Variants in NBAS observed in about 807,000 individuals in gnomAD.
NBAS encodes the protein NBAS subunit of NRZ tethering complex.
A neutral mutation model predicts 302.5 loss-of-function variants in NBAS; 219 were observed. The observed-to-expected ratio is 0.72, with a 90% CI of 0.65 to 0.81. The LOEUF (loss-of-function observed/expected upper bound fraction) is 0.81, where lower values mean the gene tolerates loss of function less well. NBAS is among the 30% of genes least tolerant of loss of function. The pLI is 0.00. For synonymous variants in NBAS, 1,118 were observed against 1,021.6 expected (o/e 1.09, Z -1.80); for missense variants, 2,932 against 2,841.6 (o/e 1.03, Z -0.72).
the NBAS span, among the ~76,000 whole-genome samples, chr2:15,028,871 T>C: frequency 6.6e-6 from 1 of 152,220 alleles, no homozygotes; most frequent in Non-Finnish European, 1.5e-5. Flanking sequence ...GTTTTCTTTT[T>C]TATATACTTC....
At chr2:15,533,954 T>C (rs1255363279) in intron 9 of NBAS, among the ~76,000 whole-genome samples, 1 of 152,162 alleles carries the variant, frequency 6.6e-6, no homozygotes, top group Non-Finnish European at 1.5e-5. Flanking sequence ...AAACCAAACA[T>C]TTAGCTTGGC....
intron 44 of NBAS, among the ~76,000 whole-genome samples, chr2:15,245,425 G>A (rs1259994591): frequency 6.6e-6 from 1 of 152,040 alleles, no homozygotes; most frequent in African/African-American, 2.4e-5. Flanking sequence ...CATCTTATCC[G>A]AGAGGCCTTC....
the NBAS span, among the ~76,000 whole-genome samples, chr2:14,995,971 CTCTG>C: frequency 6.6e-6 from 1 of 151,976 alleles, no homozygotes; most frequent in Non-Finnish European, 1.5e-5. Flanking sequence ...GTACACACAG[CTCTG>C]TCTTAGGTGC....
intron 44 of NBAS, among the ~76,000 whole-genome samples, chr2:15,263,751 C>G (rs921193243): frequency 6.6e-6 from 1 of 152,162 alleles, no homozygotes; most frequent in Non-Finnish European, 1.5e-5. Flanking sequence ...GGCTATATCT[C>G]CAGCTCCACT....
chr2:15,034,235 G>GAAAGAAAGAAATAAA, the NBAS span, among the ~76,000 whole-genome samples: 1 of 81,636 alleles, frequency 1.2e-5, no homozygotes, highest in African/African-American at 4.5e-5. Flanking sequence ...AAAGAAAGAA[G>GAAAGAAAGAAATAAA]GAAAGAAAGA....
At chr2:15,100,195 T>C in the NBAS span, among the ~76,000 whole-genome samples, 1 of 152,232 alleles carries the variant, frequency 6.6e-6, no homozygotes, top group African/African-American at 2.4e-5. Context: ...ATGATGATAC[T>C]TATAAAGAAC....
At chr2:15,155,964 G>C in the NBAS span, among the ~76,000 whole-genome samples, 1 of 152,136 alleles carries the variant, frequency 6.6e-6, no homozygotes, top group African/African-American at 2.4e-5. Flanking sequence ...TAAGTATTTC[G>C]AACAAGGAAG....
At chr2:14,896,312 T>C in the NBAS span, among the ~76,000 whole-genome samples, 1 of 152,192 alleles carries the variant, frequency 6.6e-6, no homozygotes, top group Non-Finnish European at 1.5e-5. Flanking sequence ...ATATCAATGT[T>C]CATTGTATTC....
chr2:15,139,338 T>C, the NBAS span, among the ~76,000 whole-genome samples: 19 of 152,348 alleles, frequency 1.2e-4, no homozygotes, highest in Admixed American at 1.2e-3. Flanking sequence ...ACCCCCCGAT[T>C]TCACAAATAG....
intron 12 of NBAS, among the ~76,000 whole-genome samples, chr2:15,478,869 C>T (rs1303674189): frequency 6.6e-6 from 1 of 152,184 alleles, no homozygotes; most frequent in Non-Finnish European, 1.5e-5. Flanking sequence ...ACATTGATAT[C>T]TCTCAAATAT....
the NBAS span, among the ~76,000 whole-genome samples, chr2:14,969,538 G>A: frequency 6.0e-5 from 9 of 150,816 alleles, no homozygotes; most frequent in East Asian, 1.4e-3. Flanking sequence ...CACCATACGC[G>A]GCTAATTTTT....
rs73915359 is a variant in NBAS, at chr2:15,529,935, G to A, written c.746+4608C>T. Among the ~76,000 whole-genome samples, 951 of 152,202 alleles carry A rather than the reference G, an allele frequency of 6.2e-3. 13 individuals carry two copies. Among genetic ancestry groups the A allele is most frequent in the African/African-American group, 0.022 (901 of 41,542 alleles). ...GTTAAAATAAATTGTGTAATTATTT[G>A]CAGCATATATGATTACATTCAATAT... is the stretch of plus-strand genomic sequence containing the variant. On this transcript the variant is annotated intron_variant, in intron 9 of 51. Transcript: ENST00000281513.
intron 21 of NBAS, among the ~76,000 whole-genome samples, chr2:15,428,145 G>C (rs570156703): frequency 6.6e-6 from 1 of 152,118 alleles, no homozygotes; most frequent in African/African-American, 2.4e-5. Flanking sequence ...TAAGCTGTTG[G>C]GGCAGAGTAG....
At chr2:15,162,518 T>C (rs1453138018), downstream of NBAS, among the ~76,000 whole-genome samples, 3 of 152,192 alleles carry the variant, frequency 2.0e-5, no homozygotes, top group South Asian at 6.2e-4. Context: ...TTATTTTTCA[T>C]TTTGCTAGCA....
intron 31 of NBAS, among the ~76,000 whole-genome samples, chr2:15,373,333 T>C (rs1674576724): frequency 6.6e-6 from 1 of 152,076 alleles, no homozygotes; most frequent in Admixed American, 6.6e-5. Flanking sequence ...CTCTTTTGAG[T>C]CTAATAAGTT....
the NBAS span, among the ~76,000 whole-genome samples, chr2:15,141,453 T>C: frequency 1.9e-4 from 29 of 152,354 alleles, 1 homozygote; most frequent in Middle Eastern, 3.4e-3. Flanking sequence ...CATCAGCGAA[T>C]GGCAGAGCTT....
chr2:15,247,168 C>G (rs909096811), intron 44 of NBAS, among the ~76,000 whole-genome samples: 1 of 152,126 alleles, frequency 6.6e-6, no homozygotes, highest in Non-Finnish European at 1.5e-5. Context: ...GGAAAGGTGT[C>G]CAGATCCAGA....
At chr2:15,189,241 T>A (rs1419706403) in intron 49 of NBAS, among the ~76,000 whole-genome samples, 1 of 152,222 alleles carries the variant, frequency 6.6e-6, no homozygotes, top group Non-Finnish European at 1.5e-5. Flanking sequence ...ACATTTCTTT[T>A]CTTTCTGAAA....
Position 15,294,248 on chromosome 2 carries a change from T to A in NBAS, c.4798-1482A>T, listed in dbSNP as rs568596489. Among the ~76,000 whole-genome samples the A allele has an allele frequency of 2.1e-4, 32 of 152,206 alleles. No individual in the cohort carries two copies. In the Middle Eastern group the frequency reaches 0.01, roughly 49 times the overall value. On this transcript the variant is annotated intron_variant, in intron 40 of 51. Coordinates refer to ENST00000281513, the MANE Select transcript of NBAS (RefSeq NM_015909.4). Reference sequence around the variant, plus strand: ...TTCTTCAAAGAGTTAATGTCTAGGTTAAATACTCAGGTACCATACCAGTAA... The same window carrying A: ...TTCTTCAAAGAGTTAATGTCTAGGTAAAATACTCAGGTACCATACCAGTAA...
Sources: gnomAD v4.1 joint callset for allele counts (sites outside exome capture counted in the v4.1 genomes callset) on GRCh38, gnomAD v4.1.1 for gene constraint, MANE v1.5 for transcripts, NCBI Gene and HGNC (gene_info 2026-07-23, HGNC 2026-07-21) for gene names.